Variants in SOS2 observed in about 807,000 individuals in gnomAD.
SOS2 encodes the protein SOS Ras/Rho guanine nucleotide exchange factor 2, also known as son of sevenless homolog 2.
A neutral mutation model predicts 148.2 loss-of-function variants in SOS2; 65 were observed. That is an observed-to-expected ratio of 0.44 (90% CI 0.36 to 0.54). The LOEUF (loss-of-function observed/expected upper bound fraction) is 0.54. Among genes scored for constraint, SOS2 ranks in the 20% least tolerant of loss-of-function variants. The probability of loss-of-function intolerance (pLI) is 0.00; values close to 1 mark genes in which losing one functional copy is unlikely to be tolerated. For missense variants in SOS2, 1,341 were observed against 1,590.2 expected, an observed-to-expected ratio of 0.84 and a Z score of 2.67; for synonymous variants, 539 against 537.1, an observed-to-expected ratio of 1.00 and a Z score of -0.05.
chr14:50,215,755 T>C (rs188123404), intron 1 of SOS2, among the ~76,000 whole-genome samples: 16 of 152,340 alleles, frequency 1.1e-4, no homozygotes, highest in African/African-American at 3.6e-4. Context: ...AATAGTCTCA[T>C]ACTATAAATC....
intron 5 of SOS2, among the ~76,000 whole-genome samples, chr14:50,187,390 C>G (rs2139729028): frequency 6.7e-6 from 1 of 149,258 alleles, no homozygotes; most frequent in East Asian, 2.0e-4. Flanking sequence ...CTCTGTCGCC[C>G]AGGCTGGAGT....
Position 50,149,917 on chromosome 14 carries a change from A to G in SOS2, c.2384+91T>C, listed in dbSNP as rs1038624399. The G allele has an allele frequency of 1.1e-5, 10 of 891,062 alleles. No individual in the cohort carries two copies. In the African/African-American group the frequency reaches 1.3e-4, roughly 12 times the overall value. The allele number at this position is 891,062 out of a possible 1,614,324, so 55.2% of individuals were successfully genotyped here. On this transcript the variant is annotated intron_variant, in intron 14 of 22. Transcript: ENST00000216373. ...CATGAGAGTAGATGAGGTATTTTTA[A>G]GCACTCATGAATAATGTGCAAAATG... is the stretch of plus-strand genomic sequence containing the variant.
chr14:50,141,637 A>C (rs1190928647), intron 16 of SOS2, among the ~76,000 whole-genome samples: 6 of 152,180 alleles, frequency 3.9e-5, no homozygotes, highest in Non-Finnish European at 2.9e-5. Flanking sequence ...TAAAGAGATA[A>C]ACGATGTTCA....
chr14:50,130,700 G>A lies in SOS2; in HGVS notation c.3138C>T (p.Gly1046=), dbSNP rs755189158. The A allele has an allele frequency of 4.3e-6, 7 of 1,613,708 alleles. No homozygotes were observed. The Admixed American group carries it at 1.2e-4, about 27-fold the overall frequency. ...PGIRPNTGRH[G]STSGTLRGHP... is the part of the protein sequence containing the mutation. The stretch of plus-strand genomic sequence containing the variant: ...GACCTCGTAAAGTACCTGAGGTAGA[G>A]CCATGTCGGCCTGTGTTAGGCCTTA... Residue 1046 remains glycine, a synonymous_variant, in exon 20 of 23, where the codon GGC becomes GGT. Coordinates refer to ENST00000216373, the MANE Select transcript of SOS2 (RefSeq NM_006939.4).
chr14:50,142,444 TAA>T (rs1162519840), intron 16 of SOS2, among the ~76,000 whole-genome samples: 4 of 151,798 alleles, frequency 2.6e-5, no homozygotes, highest in African/African-American at 7.3e-5. Flanking sequence ...AACAACCCAC[TAA>T]AAAAAATAAA....
chr14:50,192,293 C>T (rs1034165878), intron 4 of SOS2, among the ~76,000 whole-genome samples: 1 of 152,132 alleles, frequency 6.6e-6, no homozygotes, highest in Non-Finnish European at 1.5e-5. Flanking sequence ...GGGTGGCTCA[C>T]GCCTATAATC....
chr14:50,127,412 G>C (rs887760382), intron 21 of SOS2, among the ~76,000 whole-genome samples: 2 of 152,088 alleles, frequency 1.3e-5, no homozygotes, highest in Non-Finnish European at 2.9e-5. Flanking sequence ...AAAGTGCTGG[G>C]ATTACAGTCG....
chr14:50,120,180 T>C (rs1002124282), intron 22 of SOS2, 95 bp downstream of exon 22: 7 of 616,936 alleles, frequency 1.1e-5, no homozygotes, highest in Non-Finnish European at 2.0e-5. Context: ...CCATAAATGG[T>C]AGCCAAAGTA....
chr14:50,118,483 G>C lies in SOS2; in HGVS notation c.3860C>G (p.Pro1287Arg). 6.2e-7 allele frequency: 1 copy of C among 1,614,124 alleles called. No individual in the cohort carries two copies. The highest frequency in any genetic ancestry group is 1.3e-5 in the African/African-American group (1 of 75,008). ...LSSSQNNLAH[P>R]PAPPVPPRQN... ...CCTTGGTGGAACAGGGGGAGCTGGA[G>C]GATGAGCAAGATTATTCTGACTAGA... Residue 1287 changes from proline to arginine, a missense_variant, in exon 23 of 23, where the codon CCT (proline) becomes CGT (arginine). Physicochemically the swap from Pro to Arg is moderately radical, Grantham distance 103. Around this residue, in one of 4 missense-constraint regions of SOS2, gnomAD observed 354 missense variants for 347.7 expected, o/e 1.02. Transcript: ENST00000216373.
At chr14:50,193,539 G>C (rs1258880467) in intron 4 of SOS2, among the ~76,000 whole-genome samples, 1 of 151,952 alleles carries the variant, frequency 6.6e-6, no homozygotes. Flanking sequence ...ATTTTTAACT[G>C]TAAAGAAATA....
At chr14:50,149,978 T>C (rs748580018) in intron 14 of SOS2, 30 bp downstream of exon 14, 6 of 1,431,084 alleles carry the variant, frequency 4.2e-6, no homozygotes, top group Non-Finnish European at 4.9e-6. Flanking sequence ...TTCTTAAAAA[T>C]AAAGCAAGAC....
chr14:50,172,071 T>C (rs555744972), intron 8 of SOS2, among the ~76,000 whole-genome samples: 7 of 152,232 alleles, frequency 4.6e-5, no homozygotes, highest in African/African-American at 1.2e-4. Context: ...TTATACAGTT[T>C]ACATTCCTAA....
intron 4 of SOS2, among the ~76,000 whole-genome samples, chr14:50,194,183 T>TG (rs1161208004): frequency 2.0e-5 from 3 of 152,232 alleles, no homozygotes; most frequent in African/African-American, 7.2e-5. Context: ...AAAGTTTTGC[T>TG]GGAACATAGC....
Position 50,118,177 on chromosome 14 carries a change from C to G in SOS2, c.*167G>C. Reference sequence around the variant, plus strand: ...ATCACCTGAGGATAATGGTGAAGGACTTTTGTATTTTTATTTTTCCAATTC... The same window carrying G: ...ATCACCTGAGGATAATGGTGAAGGAGTTTTGTATTTTTATTTTTCCAATTC... On this transcript the variant is annotated 3_prime_UTR_variant, in exon 23 of 23. Transcript: ENST00000216373. 1.6e-6 allele frequency: 1 copy of G among 642,232 alleles called. No homozygotes were observed. Among genetic ancestry groups the G allele is most frequent in the Admixed American group, 3.1e-5 (1 of 32,294 alleles). The allele number at this position is 642,232 out of a possible 1,614,324, so 39.8% of individuals were successfully genotyped here.
intron 16 of SOS2, among the ~76,000 whole-genome samples, chr14:50,142,876 T>G (rs1884341955): frequency 6.6e-6 from 1 of 152,216 alleles, no homozygotes; most frequent in Admixed American, 6.5e-5. Context: ...ATTGTTAGAC[T>G]GCTTTCCAGA....
intron 7 of SOS2, among the ~76,000 whole-genome samples, chr14:50,175,796 TA>T (rs1307962718): frequency 6.6e-6 from 1 of 152,154 alleles, no homozygotes; most frequent in Non-Finnish European, 1.5e-5. Context: ...CACACCAATA[TA>T]AAATGTGAGA....
At chr14:50,136,492 C>T (rs4900989) in intron 18 of SOS2, among the ~76,000 whole-genome samples, 132,171 of 152,158 alleles carry the variant, frequency 0.87, 57,493 homozygotes, top group East Asian at 0.92. Context: ...CTTAGCTCTC[C>T]GAAGCCCCAC....
rs376799463 is a variant in SOS2, at chr14:50,180,622, C to T, written c.919G>A (p.Glu307Lys). ...SQDILSPEFH[E>K]HFNKLMARPA... ...CTGGCCATCAATTTATTGAAATGTT[C>T]ATGAAACTCTGGTGAAAGAATGTCC... Residue 307 changes from glutamate (E) to lysine (K), a missense_variant, in exon 7 of 23, where the codon GAA becomes AAA. Physicochemically the swap from Glu to Lys is moderately conservative, Grantham distance 56. Transcript: ENST00000216373. The T allele has an allele frequency of 6.3e-7, 1 of 1,599,282 alleles. No homozygotes were observed. The highest frequency in any genetic ancestry group is 1.4e-5 in the African/African-American group (1 of 73,498).
rs545653319 is a variant in SOS2, at chr14:50,172,331, G to A, written c.1068+2123C>T. Among the ~76,000 whole-genome samples the A allele has an allele frequency of 7.3e-5, 11 of 150,890 alleles. No homozygotes were observed. The South Asian group carries it at 2.3e-3, about 32-fold the overall frequency. On this transcript the variant is annotated intron_variant, in intron 8 of 22. Transcript: ENST00000216373. ...TTCTATTTGTTCTTGTTGTTGCTGT[G>A]CATTAATTAAAACTGAGTATATTCC... is the stretch of plus-strand genomic sequence containing the variant.
Sources: gnomAD v4.1 joint callset for allele counts (sites outside exome capture counted in the v4.1 genomes callset) on GRCh38, gnomAD v4.1.1 for gene constraint, gnomAD v4.1.1 regional missense constraint, MANE v1.5 for transcripts, NCBI Gene and HGNC (gene_info 2026-07-23, HGNC 2026-07-21) for gene names.